ITGB1: variants seen among roughly 807,000 people sequenced by gnomAD.
ITGB1 encodes the protein integrin subunit beta 1.
Under a neutral mutation model 86.5 loss-of-function variants are expected in ITGB1, and 24 were observed. The ratio of observed to expected loss-of-function variants is 0.28; its 90% CI spans 0.20 to 0.39. ITGB1 has a LOEUF of 0.39. ITGB1 is among the 10% of genes least tolerant of loss of function. The pLI is 1.00. For synonymous variants in ITGB1, 323 were observed against 316.8 expected, an observed-to-expected ratio of 1.02 and a Z score of -0.21; for missense variants, 556 against 946.9, an observed-to-expected ratio of 0.59 and a Z score of 5.42.
chr10:32,908,188 G>A, intron 15 of ITGB1, 180 bp downstream of exon 15: 2 of 619,302 alleles, frequency 3.2e-6, no homozygotes, highest in Non-Finnish European at 5.8e-6. Context: ...GTTTCAATGG[G>A]ATATATTTAG....
At chr10:32,902,429 T>C (rs1197334260) in intron 15 of ITGB1, among the ~76,000 whole-genome samples, 1 of 152,214 alleles carries the variant, frequency 6.6e-6, no homozygotes. Flanking sequence ...AAAAATTCTC[T>C]TATACTATAA....
At chr10:32,928,300 T>C (rs1593871132) in intron 4 of ITGB1, 36 bp from the exon 5 acceptor site, 2 of 795,210 alleles carry the variant, frequency 2.5e-6, no homozygotes, top group East Asian at 5.0e-5. Flanking sequence ...GAAACTTGCC[T>C]GTTGGCAATC....
At chr10:32,910,530 T>A in intron 13 of ITGB1, 75 bp from the exon 14 acceptor site, 2 of 1,016,624 alleles carry the variant, frequency 2.0e-6, no homozygotes, top group Non-Finnish European at 2.9e-6. Context: ...ATATTTCCCA[T>A]GCTAAACTCT....
At chr10:32,940,839 T>C (rs2095016684) in intron 1 of ITGB1, among the ~76,000 whole-genome samples, 1 of 152,212 alleles carries the variant, frequency 6.6e-6, no homozygotes, top group Non-Finnish European at 1.5e-5. Flanking sequence ...CTATTCACCA[T>C]TCTTTAACAC....
At chr10:32,914,373 T>C (rs949337647) in intron 11 of ITGB1, among the ~76,000 whole-genome samples, 7 of 151,954 alleles carry the variant, frequency 4.6e-5, no homozygotes, top group South Asian at 2.1e-4. Context: ...GACTGGCAAA[T>C]TGGATAAAGA....
chr10:32,920,482 C>A, intron 9 of ITGB1, 97 bp from the exon 10 acceptor site: 1 of 1,098,998 alleles, frequency 9.1e-7, no homozygotes, highest in Non-Finnish European at 1.3e-6. Flanking sequence ...AAATATATTT[C>A]AATAAAGTAT....
At chr10:32,921,147 A>G (rs1340814328) in intron 9 of ITGB1, among the ~76,000 whole-genome samples, 1 of 141,428 alleles carries the variant, frequency 7.1e-6, no homozygotes, top group Non-Finnish European at 1.5e-5. Flanking sequence ...TGCTTAAGGA[A>G]CCATTGTAGC....
chr10:32,904,810 T>C (rs180704974), intron 15 of ITGB1, among the ~76,000 whole-genome samples: 13 of 152,282 alleles, frequency 8.5e-5, no homozygotes, highest in Admixed American at 8.5e-4. Context: ...AACTTCTGCT[T>C]CCTGAATTAC....
At chr10:32,920,670 G>A (rs1472284799) in intron 9 of ITGB1, among the ~76,000 whole-genome samples, 1 of 151,948 alleles carries the variant, frequency 6.6e-6, no homozygotes, top group African/African-American at 2.4e-5. Context: ...TAATTAGGAG[G>A]AGTCTTAAAA....
intron 1 of ITGB1, among the ~76,000 whole-genome samples, chr10:32,937,976 C>A: frequency 6.6e-6 from 1 of 152,168 alleles, no homozygotes; most frequent in Non-Finnish European, 1.5e-5. Context: ...GCTCTGAGCA[C>A]CCGAGAGAAA....
At chr10:32,912,267 G>C in intron 11 of ITGB1, 143 bp from the exon 12 acceptor site, 1 of 671,608 alleles carries the variant, frequency 1.5e-6, no homozygotes, top group Non-Finnish European at 2.5e-6. Context: ...TTCCAACTGA[G>C]GTACTGGGTT....
intron 1 of ITGB1, among the ~76,000 whole-genome samples, chr10:32,944,279 C>A (rs2095025889): frequency 6.6e-6 from 1 of 152,242 alleles, no homozygotes. Context: ...GCCTGGGAGC[C>A]ACAGTCCCCG....
At chr10:32,942,234 G>A (rs549886566) in intron 1 of ITGB1, among the ~76,000 whole-genome samples, 1 of 152,280 alleles carries the variant, frequency 6.6e-6, no homozygotes, top group South Asian at 2.1e-4. Context: ...TTTCTTCTAA[G>A]GCAGAGCAGG....
chr10:32,954,566 T>C (rs1775108), intron 1 of ITGB1, among the ~76,000 whole-genome samples: 1 of 152,192 alleles, frequency 6.6e-6, no homozygotes, highest in Non-Finnish European at 1.5e-5. Context: ...TCAATCATAA[T>C]CAAAATTTTA....
intron 1 of ITGB1, chr10:32,944,684 G>T: frequency 1.5e-6 from 1 of 660,442 alleles, no homozygotes; most frequent in Admixed American, 1.8e-5. Flanking sequence ...ACAGGCAGAA[G>T]CCCTAGACTA....
At chr10:32,954,130 C>CA (rs1415504215) in intron 1 of ITGB1, among the ~76,000 whole-genome samples, 1 of 152,074 alleles carries the variant, frequency 6.6e-6, no homozygotes, top group Admixed American at 6.6e-5. Flanking sequence ...TGAAATCTCT[C>CA]AGAGTTTTTT....
chr10:32,939,207 T>C (rs1348165094), intron 1 of ITGB1, among the ~76,000 whole-genome samples: 3 of 152,190 alleles, frequency 2.0e-5, no homozygotes, highest in Non-Finnish European at 4.4e-5. Flanking sequence ...TTCCTCCCAA[T>C]GGCATTCCAT....
intron 1 of ITGB1, among the ~76,000 whole-genome samples, chr10:32,938,710 C>A (rs867979711): frequency 2.0e-5 from 3 of 152,168 alleles, no homozygotes; most frequent in Non-Finnish European, 4.4e-5. Context: ...AACGATCCTG[C>A]GACTGGCGAC....
At position 32,938,915 on chromosome 10, in the gene ITGB1, G is replaced by A. The variant is rs147550378; in HGVS notation, c.1-3357C>T. Among the ~76,000 whole-genome samples the A allele has an allele frequency of 2.6e-3, 399 of 152,252 alleles. 3 individuals carry two copies. Among genetic ancestry groups the A allele is most frequent in the Admixed American group, 3.7e-3 (56 of 15,278 alleles). On this transcript the variant is annotated intron_variant, in intron 1 of 15. Transcript: ENST00000302278. Reference sequence around the variant, plus strand: ...TGAGGGAAGCAAGCCACAGAGACCCGGACAGGAAAGGAGAGGCAGAGGGCC... The same window carrying A: ...TGAGGGAAGCAAGCCACAGAGACCCAGACAGGAAAGGAGAGGCAGAGGGCC...
Sources: allele counts gnomAD v4.1 joint callset (sites outside exome capture counted in the v4.1 genomes callset), GRCh38; gene constraint gnomAD v4.1.1; transcripts MANE v1.5; gene names NCBI Gene and HGNC (gene_info 2026-07-23, HGNC 2026-07-21).